The following NDC80 variants were observed in gnomAD, a reference collection of about 807,000 sequenced individuals.
NDC80 encodes NDC80 kinetochore complex component, also known as kinetochore protein NDC80 homolog.
A neutral mutation model predicts 89.3 loss-of-function variants in NDC80; 69 were observed. That is an observed-to-expected ratio of 0.77 (90% confidence interval 0.64 to 0.94). The LOEUF is 0.94. Among genes scored for constraint, NDC80 ranks in the 40% least tolerant of loss-of-function variants. The pLI, the probability that NDC80 is intolerant of heterozygous loss-of-function variation, is 0.00. For synonymous variants in NDC80, 243 were observed against 255.6 expected (o/e 0.95, Z 0.47); for missense variants, 593 against 739.6 (o/e 0.80, Z 2.30).
rs374528095 is a variant in NDC80, at chr18:2,587,936, G to C, written c.763+13G>C. The C allele has an allele frequency of 6.2e-7, 1 of 1,607,548 alleles. No individual in the cohort carries two copies. The highest frequency in any genetic ancestry group is 8.5e-7 in the Non-Finnish European group (1 of 1,174,676). ...CAGTCAAAACTGAGTAAGTGTTCTCGTTCTTAGGGTGCTTGCTTTTGGTCA... is the reference window on the plus strand; with the variant it reads ...CAGTCAAAACTGAGTAAGTGTTCTCCTTCTTAGGGTGCTTGCTTTTGGTCA... On this transcript the variant is annotated intron_variant, in intron 8 of 16. Coordinates refer to ENST00000261597, the MANE Select transcript of NDC80 (RefSeq NM_006101.3).
chr18:2,575,912 G>A (rs1306430248), intron 3 of NDC80, among the ~76,000 whole-genome samples: 3 of 152,198 alleles, frequency 2.0e-5, no homozygotes, highest in Non-Finnish European at 4.4e-5. Flanking sequence ...GTGACAGTGA[G>A]ACTCTGTCTC....
chr18:2,580,681 C>T lies in NDC80; in HGVS notation c.579+1652C>T, dbSNP rs890524048. ...TTTATGCATTCAATTTGTCTCTCCCCGGTGATGCCCATGGACATTTGATAA... is the reference window on the plus strand; with the variant it reads ...TTTATGCATTCAATTTGTCTCTCCCTGGTGATGCCCATGGACATTTGATAA... On this transcript the variant is annotated intron_variant, in intron 6 of 16. Coordinates refer to ENST00000261597, the MANE Select transcript of NDC80 (RefSeq NM_006101.3). Among the ~76,000 whole-genome samples, 12 of 149,102 alleles carry T rather than the reference C, an allele frequency of 8.0e-5. No individual in the cohort carries two copies. The East Asian group carries it at 9.9e-4, about 12-fold the overall frequency.
At chr18:2,594,058 A>C (rs551414036) in intron 10 of NDC80, among the ~76,000 whole-genome samples, 2 of 152,060 alleles carry the variant, frequency 1.3e-5, no homozygotes, top group Non-Finnish European at 2.9e-5. Flanking sequence ...ATGCGCCACC[A>C]TGCCCAGCTA....
intron 6 of NDC80, among the ~76,000 whole-genome samples, chr18:2,583,484 T>A (rs2072588599): frequency 6.6e-6 from 1 of 152,160 alleles, no homozygotes; most frequent in Non-Finnish European, 1.5e-5. Context: ...GTGGATCACC[T>A]GAGGTCAGGA....
intron 6 of NDC80, among the ~76,000 whole-genome samples, chr18:2,584,754 T>C (rs950257914): frequency 2.0e-5 from 3 of 152,192 alleles, no homozygotes; most frequent in Non-Finnish European, 2.9e-5. Flanking sequence ...CTGTTTTGGA[T>C]TCTTAGTTAA....
chr18:2,588,592 G>A (rs1366029829), intron 8 of NDC80, among the ~76,000 whole-genome samples: 1 of 152,090 alleles, frequency 6.6e-6, no homozygotes, highest in African/African-American at 2.4e-5. Context: ...TCCAACAATG[G>A]AATCAATCAC....
At chr18:2,609,175 T>G (rs2072729907) in intron 15 of NDC80, among the ~76,000 whole-genome samples, 1 of 152,200 alleles carries the variant, frequency 6.6e-6, no homozygotes, top group Admixed American at 6.5e-5. Context: ...TAAGCTTTAA[T>G]AAATTCCACT....
chr18:2,612,925 G>A (rs1055104125), intron 16 of NDC80, among the ~76,000 whole-genome samples: 5 of 152,186 alleles, frequency 3.3e-5, no homozygotes, highest in Non-Finnish European at 7.4e-5. Flanking sequence ...AATATTTGTT[G>A]AACAGGATCA....
intron 12 of NDC80, among the ~76,000 whole-genome samples, chr18:2,601,137 T>C (rs970206168): frequency 2.6e-5 from 4 of 152,178 alleles, no homozygotes; most frequent in Non-Finnish European, 5.9e-5. Context: ...GTTTAAATAA[T>C]AGCAATGAAT....
Position 2,616,619 on chromosome 18 carries a change from T to C in NDC80, c.*45T>C. 9.1e-7 allele frequency: 1 copy of C among 1,103,770 alleles called. No homozygotes were observed. The highest frequency in any genetic ancestry group is 1.2e-6 in the Non-Finnish European group (1 of 822,834). The allele number at this position is 1,103,770 out of a possible 1,614,324, so 68.4% of individuals were successfully genotyped here. A position where few individuals can be genotyped will look rare whatever the true frequency, so the allele number is the denominator to read the frequency against. On this transcript the variant is annotated 3_prime_UTR_variant, in exon 17 of 17. Transcript: ENST00000261597. ...TATATATATCCATAGTGAATAAAAT[T>C]GTCTCAGTAAAGTGTATTTTTCTCT...
At position 2,573,014 on chromosome 18, in the gene NDC80, G is replaced by C; in HGVS notation, c.29G>C (p.Gly10Ala). Residue 10 changes from glycine to alanine, a missense_variant, in exon 2 of 17, where the codon GGT (glycine) becomes GCT (alanine). Physicochemically the swap from Gly to Ala is moderately conservative, Grantham distance 60. Coordinates refer to ENST00000261597, the MANE Select transcript of NDC80 (RefSeq NM_006101.3). MKRSSVSSG[G>A]AGRLSMQELR... ...AAGCGCAGTTCAGTTTCCAGCGGTG[G>C]TGCTGGCCGCCTCTCCATGCAGGAG... 1 of 1,614,074 alleles carries C rather than the reference G, an allele frequency of 6.2e-7. No individual in the cohort carries two copies. Among genetic ancestry groups the C allele is most frequent in the Non-Finnish European group, 8.5e-7 (1 of 1,179,976 alleles).
intron 9 of NDC80, among the ~76,000 whole-genome samples, chr18:2,589,721 T>C (rs1390444369): frequency 6.7e-6 from 1 of 149,842 alleles, no homozygotes; most frequent in Non-Finnish European, 1.5e-5. Flanking sequence ...TAAATATTAA[T>C]ATCCAGTTAT....
chr18:2,603,086 G>A (rs1291665645), intron 13 of NDC80, among the ~76,000 whole-genome samples: 1 of 152,062 alleles, frequency 6.6e-6, no homozygotes, highest in Admixed American at 6.6e-5. Context: ...TGAGCTTGCT[G>A]TCTGTAGGAT....
chr18:2,577,760 G>T lies in NDC80; in HGVS notation c.194G>T (p.Gly65Val). The part of the protein sequence containing the change: ...SLFGKRTSGH[G>V]SRNSQLGIFS... ...TATATTTCCAGAACTAGTGGACATGGATCCCGGAATAGTCAACTTGGTATA... is the reference window on the plus strand; with the variant it reads ...TATATTTCCAGAACTAGTGGACATGTATCCCGGAATAGTCAACTTGGTATA... Residue 65 changes from glycine (G) to valine (V), a missense_variant, in exon 4 of 17, where the codon GGA becomes GTA. Coordinates refer to ENST00000261597, the MANE Select transcript of NDC80 (RefSeq NM_006101.3). 1 of 1,613,892 alleles carries T rather than the reference G, an allele frequency of 6.2e-7. No homozygotes were observed.
chr18:2,606,392 C>T (rs771579325), intron 13 of NDC80, 23 bp from the exon 14 acceptor site: 2 of 1,535,430 alleles, frequency 1.3e-6, no homozygotes, highest in Non-Finnish European at 1.8e-6. Flanking sequence ...TATGATTTCT[C>T]AACCAAAGTT....
intron 15 of NDC80, among the ~76,000 whole-genome samples, chr18:2,609,769 A>G (rs543449961): frequency 2.1e-4 from 32 of 152,336 alleles, no homozygotes; most frequent in African/African-American, 7.5e-4. Flanking sequence ...CATGTGGCTC[A>G]TTACATATGC....
Position 2,575,152 on chromosome 18 carries a change from T to A in NDC80, c.179+86T>A, listed in dbSNP as rs987199707. The A allele has an allele frequency of 6.5e-5, 61 of 939,640 alleles. No individual in the cohort carries two copies. In the South Asian group the frequency reaches 7.9e-4, roughly 12 times the overall value. The allele number at this position is 939,640 out of a possible 1,614,324, so 58.2% of individuals were successfully genotyped here. A position where few individuals can be genotyped will look rare whatever the true frequency, so the allele number is the denominator to read the frequency against. The stretch of plus-strand genomic sequence containing the variant: ...CAGAGAACAAATACATTAGATGACA[T>A]GGTTCCTTTCGAGAGAAAAGTTATA... On this transcript the variant is annotated intron_variant, in intron 3 of 16. Coordinates refer to ENST00000261597, the MANE Select transcript of NDC80 (RefSeq NM_006101.3).
intron 7 of NDC80, among the ~76,000 whole-genome samples, chr18:2,585,643 TG>T (rs1371798446): frequency 6.6e-6 from 1 of 152,234 alleles, no homozygotes; most frequent in African/African-American, 2.4e-5. Flanking sequence ...TCTGTAGAGT[TG>T]TTTTTTTGCT....
rs1311094033 is a variant in NDC80 at position 2,577,789 on chromosome 18, T to G, written c.223T>G (p.Ser75Ala). ...GSRNSQLGIFSSSEKIKDPRP... is the reference protein window; with the variant it reads ...GSRNSQLGIFASSEKIKDPRP... The stretch of plus-strand genomic sequence containing the variant: ...CCGGAATAGTCAACTTGGTATATTT[T>G]CCAGTTCTGAGAAAATCAAGGACCC... The change falls in exon 4 of 17, where the codon TCC becomes GCC. Residue 75 changes from serine (S) to alanine (A), a missense_variant. Physicochemically the swap from Ser to Ala is moderately conservative, Grantham distance 99. Transcript: ENST00000261597. The G allele has an allele frequency of 1.2e-6, 2 of 1,614,010 alleles. No homozygotes were observed. The highest frequency in any genetic ancestry group is 1.7e-6 in the Non-Finnish European group (2 of 1,180,002).
Sources: allele counts gnomAD v4.1 joint callset (sites outside exome capture counted in the v4.1 genomes callset), GRCh38; gene constraint gnomAD v4.1.1; transcripts MANE v1.5; gene names NCBI Gene and HGNC (gene_info 2026-07-23, HGNC 2026-07-21).